The following ZSCAN10 variants were observed in gnomAD, a reference collection of about 807,000 sequenced individuals.
ZSCAN10 encodes the protein zinc finger and SCAN domain containing 10.
A neutral mutation model predicts 63.7 loss-of-function variants in ZSCAN10; 52 were observed. That is an observed-to-expected ratio of 0.82 (90% confidence interval 0.65 to 1.03). The LOEUF is 1.03. ZSCAN10 is among the 50% of genes least tolerant of loss of function. The probability of loss-of-function intolerance (pLI) is 0.00; values close to 1 mark genes in which losing one functional copy is unlikely to be tolerated. For missense variants in ZSCAN10, 1,223 were observed against 1,103.8 expected (o/e 1.11, Z -1.53); for synonymous variants, 544 against 479.6 (o/e 1.13, Z -1.76).
intron 1 of ZSCAN10, chr16:3,096,316 G>C (rs1011092444): frequency 1.3e-5 from 2 of 152,248 alleles, no homozygotes; most frequent in Admixed American, 6.5e-5. Context: ...CCTGCCCTCT[G>C]CTTTCTGCCC....
At chr16:3,091,211 C>G (rs1484901548) in intron 5 of ZSCAN10, among the ~76,000 whole-genome samples, 1 of 152,342 alleles carries the variant, frequency 6.6e-6, no homozygotes, top group African/African-American at 2.4e-5. Context: ...ACTCGGGAGG[C>G]TGAGGTGGGA....
intron 3 of ZSCAN10, 32 bp downstream of exon 3, chr16:3,092,017 G>A (rs1957084567): frequency 6.5e-7 from 1 of 1,550,320 alleles, no homozygotes; most frequent in Admixed American, 1.9e-5. Context: ...GCGACACCCA[G>A]TCCTTGGCCT....
intron 1 of ZSCAN10, among the ~76,000 whole-genome samples, chr16:3,094,536 G>A (rs1957130839): frequency 6.6e-6 from 1 of 152,050 alleles, no homozygotes; most frequent in South Asian, 2.1e-4. Flanking sequence ...GTAGAGATGG[G>A]GTTTCACCAT....
Position 3,089,997 on chromosome 16 carries a change from G to A in ZSCAN10, c.1437C>T (p.Ser479=). 1 of 1,560,162 alleles carries A rather than the reference G, an allele frequency of 6.4e-7. No individual in the cohort carries two copies. The highest frequency in any genetic ancestry group is 8.6e-7 in the Non-Finnish European group (1 of 1,156,082). Reference sequence around the variant, plus strand: ...GGCGCTGGAAGCTCTGGCCGCAGTGGGAGCACAGGACATCGGTCAGTGGCG... The same window carrying A: ...GGCGCTGGAAGCTCTGGCCGCAGTGAGAGCACAGGACATCGGTCAGTGGCG... ...EAPPLTDVLC[S]HCGQSFQRRS... Residue 479 remains serine (S), a synonymous_variant, in exon 6 of 6, where the codon TCC becomes TCT. Coordinates refer to ENST00000576985, the MANE Select transcript of ZSCAN10 (RefSeq NM_032805.3).
chr16:3,095,820 T>C (rs1596288928), intron 1 of ZSCAN10, among the ~76,000 whole-genome samples: 1 of 124,454 alleles, frequency 8.0e-6, no homozygotes. Context: ...AGAGCCAGAC[T>C]CCATCTCAAA....
In ZSCAN10 at chr16:3,092,329, C is replaced by T. The variant is rs753354047; in HGVS notation, c.397-13G>A. Reference sequence around the variant, plus strand: ...TACAACTAAAATCCTGTTCAAAACACATTCAAGTTAAGTGACTCCCGGGGT... The same window carrying T: ...TACAACTAAAATCCTGTTCAAAACATATTCAAGTTAAGTGACTCCCGGGGT... On this transcript the variant is annotated splice_polypyrimidine_tract_variant and intron_variant, in intron 2 of 5. Coordinates refer to ENST00000576985, the MANE Select transcript of ZSCAN10 (RefSeq NM_032805.3). The T allele has an allele frequency of 6.3e-7, 1 of 1,583,960 alleles. No homozygotes were observed. The highest frequency in any genetic ancestry group is 8.6e-7 in the Non-Finnish European group (1 of 1,163,764).
chr16:3,092,228 C>T lies in ZSCAN10; in HGVS notation c.485G>A (p.Ser162Asn). 1.9e-6 allele frequency: 3 copies of T among 1,612,758 alleles called. No homozygotes were observed. Among genetic ancestry groups the T allele is most frequent in the Non-Finnish European group, 2.5e-6 (3 of 1,180,024 alleles). The change falls in exon 3 of 6, where the codon AGC becomes AAC. Residue 162 changes from serine (S) to asparagine (N), a missense_variant. Ser to Asn is a conservative substitution (Grantham distance 46). Coordinates refer to ENST00000576985, the MANE Select transcript of ZSCAN10 (RefSeq NM_032805.3). ...TTCCGCAGGCAATTCCTTCTTGGGGCTGTGGCTGGGGACCTGGGAAGCACA... is the reference window on the plus strand; with the variant it reads ...TTCCGCAGGCAATTCCTTCTTGGGGTTGTGGCTGGGGACCTGGGAAGCACA... Reference protein sequence around the residue: ...KGCASQVPSHSPKKELPAEEP... With the variant: ...KGCASQVPSHNPKKELPAEEP...
At chr16:3,092,506 C>G (rs1053053565) in intron 2 of ZSCAN10, 36 bp downstream of exon 2, 2 of 1,468,012 alleles carry the variant, frequency 1.4e-6, no homozygotes, top group African/African-American at 2.8e-5. Flanking sequence ...TCCCCATCAT[C>G]CGCATGCTGC....
At chr16:3,097,356 A>ACC (rs940273367) in intron 1 of ZSCAN10, among the ~76,000 whole-genome samples, 7 of 151,904 alleles carry the variant, frequency 4.6e-5, no homozygotes, top group African/African-American at 1.4e-4. Context: ...CCTCACCCCT[A>ACC]CCCCGGCTCC....
At chr16:3,091,934 C>T in intron 3 of ZSCAN10, 106 bp from the exon 4 acceptor site, 2 of 1,594,302 alleles carry the variant, frequency 1.3e-6, no homozygotes, top group Non-Finnish European at 1.7e-6. Context: ...GTGAAGACAC[C>T]TTGGCGCTCT....
In ZSCAN10 at chr16:3,090,630, G is replaced by C; in HGVS notation, c.804C>G (p.Thr268=). The change falls in exon 6 of 6, where the codon ACC becomes ACG. Residue 268 remains threonine, a synonymous_variant. Transcript: ENST00000576985. The part of the protein sequence containing the change: ...PAHPLGFGSR[T]PDKEEFKQEE... ...CTTGTTTAAATTCCTCCTTGTCTGG[G>C]GTTCTGCTTCCGAATCCTGGGAAAC... 6.5e-7 allele frequency: 1 copy of C among 1,544,116 alleles called. No homozygotes were observed. Among genetic ancestry groups the C allele is most frequent in the Middle Eastern group, 1.7e-4 (1 of 5,770 alleles).
intron 5 of ZSCAN10, 38 bp downstream of exon 5, chr16:3,091,502 G>A (rs1321807999): frequency 3.1e-6 from 5 of 1,605,732 alleles, no homozygotes; most frequent in East Asian, 2.2e-5. Context: ...AAAAGAAAGA[G>A]GCATCAGTGG....
Position 3,090,461 on chromosome 16 carries a change from C to T in ZSCAN10, c.973G>A (p.Gly325Ser), listed in dbSNP as rs1315811646. 1.2e-6 allele frequency: 2 copies of T among 1,613,814 alleles called. No individual in the cohort carries two copies. Among genetic ancestry groups the T allele is most frequent in the Non-Finnish European group, 1.7e-6 (2 of 1,179,948 alleles). The change falls in exon 6 of 6, where the codon GGC becomes AGC. Residue 325 changes from glycine (G) to serine (S), a missense_variant. By Grantham distance (56) the Gly-to-Ser change is moderately conservative. Coordinates refer to ENST00000576985, the MANE Select transcript of ZSCAN10 (RefSeq NM_032805.3). The stretch of plus-strand genomic sequence containing the variant: ...TTGACCTCCAAAATTTCACTGCTGC[C>T]AAGAAGGGACCCATCTTCACCAGGG... ...SGPGEDGSLL[G>S]SSEILEVKVA...
At position 3,093,009 on chromosome 16, in the gene ZSCAN10, G is replaced by T; in HGVS notation, c.-67-5C>A. The T allele has an allele frequency of 1.5e-6, 2 of 1,374,986 alleles. No individual in the cohort carries two copies. The highest frequency in any genetic ancestry group is 1.9e-6 in the Non-Finnish European group (2 of 1,067,842). The allele number at this position is 1,374,986 out of a possible 1,614,324, so 85.2% of individuals were successfully genotyped here. On this transcript the variant is annotated splice_polypyrimidine_tract_variant and splice_region_variant and intron_variant, in intron 1 of 5. Transcript: ENST00000576985. ...CTCTCTCCTCTCCTCCCACACCTGC[G>T]AAGGTGAACACCCTGGGTTAGGATC...
chr16:3,094,502 C>T (rs1323587074), intron 1 of ZSCAN10, among the ~76,000 whole-genome samples: 1 of 152,190 alleles, frequency 6.6e-6, no homozygotes, highest in Non-Finnish European at 1.5e-5. Context: ...CGCGCCACCG[C>T]ATGCCGCTAA....
intron 1 of ZSCAN10, among the ~76,000 whole-genome samples, chr16:3,096,284 T>C (rs2037984): frequency 0.11 from 16,952 of 152,260 alleles, 1,205 homozygotes; most frequent in East Asian, 0.33. Flanking sequence ...GGGGTCATTT[T>C]ATAGACATGG....
chr16:3,093,101 G>T, intron 1 of ZSCAN10, 97 bp from the exon 2 acceptor site: 1 of 937,928 alleles, frequency 1.1e-6, no homozygotes, highest in Non-Finnish European at 1.4e-6. Context: ...CGCAGACCCA[G>T]AGGAATCGCT....
Position 3,089,564 on chromosome 16 carries a change from G to C in ZSCAN10, c.1870C>G (p.His624Asp). The change falls in exon 6 of 6, where the codon CAC becomes GAC. Residue 624 changes from histidine to aspartate, a missense_variant. Transcript: ENST00000576985. ...TTCTCGCCCGTGTGGCTGCGCTGGT[G>C]GCGGGCCAGATCCTGGGTCTGGCCG... ...SFGQTQDLAR[H>D]QRSHTGEKPC... 6.3e-7 allele frequency: 1 copy of C among 1,595,672 alleles called. No homozygotes were observed. Among genetic ancestry groups the C allele is most frequent in the Non-Finnish European group, 8.5e-7 (1 of 1,171,542 alleles).
chr16:3,090,141 G>A lies in ZSCAN10; in HGVS notation c.1293C>T (p.Ala431=), dbSNP rs1057513585. Residue 431 remains alanine, a synonymous_variant, in exon 6 of 6, where the codon GCC becomes GCT. Transcript: ENST00000576985. ...CGCGGCCGCACTCTGCGCACAGGAA[G>A]GCGGGTTCGGAGGAGTGGGTCAGCA... is the stretch of plus-strand genomic sequence containing the variant. The part of the protein sequence containing the change: ...KHLLTHSSEP[A]FLCAECGRGF... 2 of 1,600,752 alleles carry A rather than the reference G, an allele frequency of 1.2e-6. No individual in the cohort carries two copies. The highest frequency in any genetic ancestry group is 1.3e-5 in the African/African-American group (1 of 74,662).
Sources: allele counts gnomAD v4.1 joint callset (sites outside exome capture counted in the v4.1 genomes callset), GRCh38; gene constraint gnomAD v4.1.1; transcripts MANE v1.5; gene names NCBI Gene and HGNC (gene_info 2026-07-23, HGNC 2026-07-21).